Variants in PPARGC1B observed in about 807,000 individuals in gnomAD.
PPARGC1B encodes peroxisome proliferator-activated receptor gamma coactivator 1-beta.
A neutral mutation model predicts 101.6 loss-of-function variants in PPARGC1B; 34 were observed. The observed-to-expected ratio is 0.33, with a 90% CI of 0.25 to 0.45. The LOEUF (loss-of-function observed/expected upper bound fraction) is 0.45, where lower values mean the gene tolerates loss of function less well. PPARGC1B is among the 20% of genes least tolerant of loss of function. The pLI is 1.00. For missense variants in PPARGC1B, 1,234 were observed against 1,317.6 expected (o/e 0.94, Z 0.98); for synonymous variants, 548 against 539.3 (o/e 1.02, Z -0.22).
At chr5:149,839,558 G>A (rs1759249075) in intron 8 of PPARGC1B, among the ~76,000 whole-genome samples, 1 of 152,170 alleles carries the variant, frequency 6.6e-6, no homozygotes. Flanking sequence ...AACCCAAAGG[G>A]AACAGTGGTT....
intron 1 of PPARGC1B, among the ~76,000 whole-genome samples, chr5:149,819,025 G>T (rs1758168279): frequency 6.6e-6 from 1 of 152,228 alleles, no homozygotes; most frequent in Non-Finnish European, 1.5e-5. Flanking sequence ...AATCTGTAGG[G>T]CAGTTCTTCT....
chr5:149,767,702 G>A (rs1755963184), intron 1 of PPARGC1B, among the ~76,000 whole-genome samples: 1 of 151,972 alleles, frequency 6.6e-6, no homozygotes, highest in Admixed American at 6.6e-5. Context: ...ATTCCCTTTG[G>A]ACATCTGGCA....
intron 1 of PPARGC1B, among the ~76,000 whole-genome samples, chr5:149,742,069 C>T: frequency 6.6e-6 from 1 of 152,178 alleles, no homozygotes; most frequent in Non-Finnish European, 1.5e-5. Context: ...GCTATATCCC[C>T]TTCAAGAGAT....
At chr5:149,835,699 TTTG>T (rs1391596061) in intron 7 of PPARGC1B, among the ~76,000 whole-genome samples, 1 of 151,806 alleles carries the variant, frequency 6.6e-6, no homozygotes, top group Non-Finnish European at 1.5e-5. Flanking sequence ...GTTGGGAGGG[TTTG>T]TTGAACGATT....
Position 149,833,163 on chromosome 5 carries a change from C to G in PPARGC1B, c.1090C>G (p.Pro364Ala). 1.2e-6 allele frequency: 2 copies of G among 1,613,626 alleles called. No individual in the cohort carries two copies. Among genetic ancestry groups the G allele is most frequent in the Non-Finnish European group, 1.7e-6 (2 of 1,180,038 alleles). Residue 364 changes from proline to alanine, a missense_variant, in exon 5 of 12, where the codon CCT becomes GCT. Transcript: ENST00000309241. The surrounding 1 kb of genome is among the most constrained non-coding windows in gnomAD (Gnocchi z 4.1). Reference sequence around the variant, plus strand: ...CAGCAAACCCTACCGTCTGGCCACGCCTGTTTATGCCTCCCTCACACCTCG... The same window carrying G: ...CAGCAAACCCTACCGTCTGGCCACGGCTGTTTATGCCTCCCTCACACCTCG... ...DVSKPYRLATPVYASLTPRSR... is the reference protein window; with the variant it reads ...DVSKPYRLATAVYASLTPRSR...
At chr5:149,763,780 CTTTT>C (rs1755803766) in intron 1 of PPARGC1B, among the ~76,000 whole-genome samples, 1 of 151,828 alleles carries the variant, frequency 6.6e-6, no homozygotes, top group Non-Finnish European at 1.5e-5. Flanking sequence ...ATTTCTCTGC[CTTTT>C]TTTCTTTTTT....
At chr5:149,846,150 C>T in intron 11 of PPARGC1B, 1 of 599,426 alleles carries the variant, frequency 1.7e-6, no homozygotes, top group South Asian at 2.1e-5. Context: ...GAGAATCCAG[C>T]CTCCCACGGC....
chr5:149,835,193 TG>T, intron 6 of PPARGC1B, 107 bp from the exon 7 acceptor site: 1 of 985,716 alleles, frequency 1.0e-6, no homozygotes, highest in Non-Finnish European at 1.6e-6. Flanking sequence ...CCATGGGCAG[TG>T]GAACCAGGGC....
chr5:149,787,660 G>A (rs1384513345), intron 1 of PPARGC1B, among the ~76,000 whole-genome samples: 1 of 152,172 alleles, frequency 6.6e-6, no homozygotes, highest in Admixed American at 6.5e-5. Context: ...GGGAAAGATG[G>A]GTGCTGCTGT....
intron 2 of PPARGC1B, among the ~76,000 whole-genome samples, chr5:149,822,614 C>T (rs1472963596): frequency 1.3e-5 from 2 of 152,230 alleles, no homozygotes; most frequent in African/African-American, 2.4e-5. Flanking sequence ...CAGTCATCCA[C>T]TGAATGAATC....
intron 1 of PPARGC1B, among the ~76,000 whole-genome samples, chr5:149,747,260 G>T (rs914636041): frequency 3.3e-5 from 5 of 151,980 alleles, no homozygotes; most frequent in African/African-American, 1.2e-4. Flanking sequence ...GATCCATTTG[G>T]AGTTAATGTT....
rs1312757183 is a variant in PPARGC1B, at chr5:149,852,939, G to A, written c.*5381G>A. The A allele has an allele frequency of 6.6e-6, 1 of 152,120 alleles. No individual in the cohort carries two copies. Among genetic ancestry groups the A allele is most frequent in the Non-Finnish European group, 1.5e-5 (1 of 68,036 alleles). 9.4% of individuals were successfully genotyped at this position (152,120 alleles called of 1,614,324 possible). A position where few individuals can be genotyped will look rare whatever the true frequency, so the allele number is the denominator to read the frequency against. ...ATCAGTATGCTTTGCACATCCGGAA[G>A]GAGTACAAAAATCCAACTGCCCAAA... On this transcript the variant is annotated 3_prime_UTR_variant, in exon 12 of 12. Transcript: ENST00000309241.
intron 1 of PPARGC1B, among the ~76,000 whole-genome samples, chr5:149,754,994 C>CATATAT (rs1298136096): frequency 6.8e-6 from 1 of 147,454 alleles, no homozygotes; most frequent in East Asian, 1.9e-4. Flanking sequence ...TATATACACA[C>CATATAT]ATATACACTA....
At chr5:149,831,148 TG>T (rs1347072991) in intron 4 of PPARGC1B, among the ~76,000 whole-genome samples, 1 of 152,176 alleles carries the variant, frequency 6.6e-6, no homozygotes, top group Non-Finnish European at 1.5e-5. Flanking sequence ...GAGGAAAGTG[TG>T]GCCAGGCTTC....
chr5:149,753,101 T>TAA (rs1755377335), intron 1 of PPARGC1B, among the ~76,000 whole-genome samples: 3 of 152,336 alleles, frequency 2.0e-5, no homozygotes, highest in African/African-American at 7.2e-5. Context: ...TTTTTCTACT[T>TAA]AGTATTTCTT....
At chr5:149,780,424 C>G (rs531816817) in intron 1 of PPARGC1B, among the ~76,000 whole-genome samples, 1 of 152,312 alleles carries the variant, frequency 6.6e-6, no homozygotes, top group African/African-American at 2.4e-5. Context: ...TCTCCACTGT[C>G]TCAGCATTGA....
At position 149,836,363 on chromosome 5, in the gene PPARGC1B, C is replaced by A; in HGVS notation, c.1908C>A (p.Leu636=). ...HSLGKEIALS[L]PSPEGLSLKA... ...TAGGCAAAGAAATAGCTCTCAGCCT[C>A]CCCTCCCCTGAGGGCCTCTCACTCA... The change falls in exon 8 of 12, where the codon CTC becomes CTA. Residue 636 remains leucine, a synonymous_variant. Transcript: ENST00000309241. The A allele has an allele frequency of 6.2e-7, 1 of 1,614,110 alleles. No homozygotes were observed. The highest frequency in any genetic ancestry group is 8.5e-7 in the Non-Finnish European group (1 of 1,180,018).
chr5:149,824,475 C>T (rs1024967558), intron 2 of PPARGC1B, among the ~76,000 whole-genome samples: 1 of 152,196 alleles, frequency 6.6e-6, no homozygotes, highest in Non-Finnish European at 1.5e-5. Context: ...TGCTTCCAGA[C>T]TTGGCCTTCT....
Position 149,832,907 on chromosome 5 carries a change from G to A in PPARGC1B, c.834G>A (p.Pro278=), listed in dbSNP as rs137977348. The part of the protein sequence containing the change: ...LALGRADPGA[P]VSQEDMQAMV... Reference sequence around the variant, plus strand: ...TGGGCAGGGCAGACCCCGGTGCCCCGGTTTCCCAGGAAGACATGCAGGCGA... The same window carrying A: ...TGGGCAGGGCAGACCCCGGTGCCCCAGTTTCCCAGGAAGACATGCAGGCGA... Residue 278 remains proline (P), a synonymous_variant, in exon 5 of 12, where the codon CCG becomes CCA. Coordinates refer to ENST00000309241, the MANE Select transcript of PPARGC1B (RefSeq NM_133263.4). This position sits in a 1 kb window ranked among gnomAD's most constrained non-coding sequence, Gnocchi z 4.9. 6.8e-4 allele frequency: 1,093 copies of A among 1,613,122 alleles called. 2 individuals are homozygous for A. Among genetic ancestry groups the A allele is most frequent in the Non-Finnish European group, 7.6e-4 (898 of 1,179,984 alleles).
Sources: allele counts gnomAD v4.1 joint callset (sites outside exome capture counted in the v4.1 genomes callset), GRCh38; gene constraint gnomAD v4.1.1; non-coding constraint Gnocchi (gnomAD v3.1); transcripts MANE v1.5; gene names NCBI Gene and HGNC (gene_info 2026-07-23, HGNC 2026-07-21).